The following RGS20 variants were observed in gnomAD, a reference collection of about 807,000 sequenced individuals.
RGS20 encodes the protein regulator of G protein signaling 20.
A neutral mutation model predicts 33.6 loss-of-function variants in RGS20; 30 were observed. The observed-to-expected ratio is 0.89, with a 90% confidence interval of 0.67 to 1.21. The LOEUF (loss-of-function observed/expected upper bound fraction) is 1.21, where lower values mean the gene tolerates loss of function less well. Among genes scored for constraint, RGS20 ranks in the 50% most tolerant of loss-of-function variants. The pLI is 0.00. For synonymous variants in RGS20, 208 were observed against 197.9 expected (o/e 1.05, Z -0.43); for missense variants, 472 against 502.4 (o/e 0.94, Z 0.58).
intron 1 of RGS20, among the ~76,000 whole-genome samples, chr8:53,878,128 C>T (rs1760953894): frequency 1.3e-5 from 2 of 152,278 alleles, no homozygotes; most frequent in African/African-American, 4.8e-5. Flanking sequence ...TTTTTTTTGG[C>T]AACCACCGCT....
chr8:53,858,800 T>A (rs149233331), intron 1 of RGS20, among the ~76,000 whole-genome samples: 1 of 150,996 alleles, frequency 6.6e-6, no homozygotes, highest in East Asian at 2.0e-4. Flanking sequence ...TTGCTGCAGT[T>A]AATGTGGCCC....
At position 53,879,415 on chromosome 8, in the gene RGS20, T is replaced by A; in HGVS notation, c.323T>A (p.Leu108His). 1 of 1,608,890 alleles carries A rather than the reference T, an allele frequency of 6.2e-7. No homozygotes were observed. The highest frequency in any genetic ancestry group is 8.5e-7 in the Non-Finnish European group (1 of 1,178,446). ...AGGCGCCTGGACTTCTCCCCCCTGCTTCCCGCCCTGCCGGCCGCCCGGCTC... is the reference window on the plus strand; with the variant it reads ...AGGCGCCTGGACTTCTCCCCCCTGCATCCCGCCCTGCCGGCCGCCCGGCTC... Residue 108 changes from leucine (L) to histidine (H), a missense_variant, in exon 2 of 6, where the codon CTT (leucine) becomes CAT (histidine). Physicochemically the swap from Leu to His is moderately conservative, Grantham distance 99. This residue lies in a region of RGS20 where 319 missense variants were observed against 283.4 expected (regional missense o/e 1.13). Transcript: ENST00000297313.
chr8:53,920,257 C>G (rs998789686), intron 2 of RGS20, among the ~76,000 whole-genome samples: 23 of 151,942 alleles, frequency 1.5e-4, no homozygotes, highest in African/African-American at 5.6e-4. Context: ...AAATTTATTT[C>G]TAATTATTTT....
intron 2 of RGS20, 27 bp downstream of exon 1, chr8:53,881,111 C>T (rs1554518800): frequency 2.0e-6 from 3 of 1,477,212 alleles, no homozygotes; most frequent in South Asian, 1.3e-5. Flanking sequence ...CTCGAACTCT[C>T]TTTCTTCGTC....
chr8:53,946,286 C>T (rs981883625), intron 3 of RGS20, among the ~76,000 whole-genome samples: 6 of 152,090 alleles, frequency 3.9e-5, no homozygotes, highest in Non-Finnish European at 8.8e-5. Flanking sequence ...TGGTCTTAAA[C>T]TCCTGGCCTC....
chr8:53,947,897 CTA>C (rs915864591), intron 4 of RGS20, among the ~76,000 whole-genome samples: 278 of 123,628 alleles, frequency 2.2e-3, no homozygotes, highest in African/African-American at 8.1e-3. Context: ...TATATATATG[CTA>C]TATATATGAT....
chr8:53,914,634 C>T (rs1460942483), intron 2 of RGS20: 4 of 152,150 alleles, frequency 2.6e-5, no homozygotes, highest in Non-Finnish European at 5.9e-5. Context: ...CCTCTCCCCT[C>T]AACTCTATCT....
chr8:53,901,786 C>T (rs918040377), intron 2 of RGS20, among the ~76,000 whole-genome samples: 13 of 152,112 alleles, frequency 8.5e-5, no homozygotes, highest in African/African-American at 3.1e-4. Context: ...GGGTTTGAGG[C>T]TGCAGTGGTA....
chr8:53,931,380 C>T (rs1018221083), intron 2 of RGS20, among the ~76,000 whole-genome samples: 2 of 151,800 alleles, frequency 1.3e-5, no homozygotes, highest in Non-Finnish European at 1.5e-5. Context: ...CATGGTGAAA[C>T]CCCATCTCTA....
intron 2 of RGS20, among the ~76,000 whole-genome samples, chr8:53,900,038 A>G (rs2129280212): frequency 6.6e-6 from 1 of 152,216 alleles, no homozygotes; most frequent in African/African-American, 2.4e-5. Flanking sequence ...CGTGTCCTTG[A>G]AGGCATTCTG....
At chr8:53,947,870 CTATA>C (rs1336931408) in intron 4 of RGS20, among the ~76,000 whole-genome samples, 1 of 133,420 alleles carries the variant, frequency 7.5e-6, no homozygotes, top group Non-Finnish European at 1.5e-5. Context: ...TTTATATATG[CTATA>C]TATAAGATGT....
chr8:53,956,729 T>C (rs1585969212), intron 5 of RGS20, among the ~76,000 whole-genome samples: 1 of 152,376 alleles, frequency 6.6e-6, no homozygotes, highest in East Asian at 1.9e-4. Context: ...CAAAAAGTTA[T>C]TTTCATTTTG....
At chr8:53,949,271 A>G (rs1196677004) in intron 4 of RGS20, among the ~76,000 whole-genome samples, 2 of 147,822 alleles carry the variant, frequency 1.4e-5, no homozygotes, top group African/African-American at 4.9e-5. Flanking sequence ...TACTATATAT[A>G]AGATACAGTA....
chr8:53,854,290 A>G (rs1811627974), intron 1 of RGS20, among the ~76,000 whole-genome samples: 1 of 152,220 alleles, frequency 6.6e-6, no homozygotes, highest in South Asian at 2.1e-4. Context: ...TGAGAGGGTA[A>G]AAGACAGCAT....
chr8:53,875,508 C>T (rs1812185195), intron 1 of RGS20, among the ~76,000 whole-genome samples: 1 of 151,438 alleles, frequency 6.6e-6, no homozygotes, highest in African/African-American at 2.4e-5. Flanking sequence ...CCTTACTTGG[C>T]TAGTAATACC....
intron 4 of RGS20, among the ~76,000 whole-genome samples, chr8:53,952,659 G>A (rs1814744374): frequency 6.6e-6 from 1 of 151,950 alleles, no homozygotes; most frequent in Non-Finnish European, 1.5e-5. Context: ...CCGGAAGGCG[G>A]AGGTTGCAGT....
chr8:53,918,105 T>C (rs958133828), intron 2 of RGS20, among the ~76,000 whole-genome samples: 1 of 152,208 alleles, frequency 6.6e-6, no homozygotes, highest in African/African-American at 2.4e-5. Flanking sequence ...TCATACACCG[T>C]AAGGCTCACC....
In RGS20 at chr8:53,954,032, A is replaced by T. The variant is rs1223797413; in HGVS notation, c.744-44A>T. The T allele has an allele frequency of 2.3e-6, 3 of 1,292,170 alleles. No individual in the cohort carries two copies. The South Asian group carries it at 3.6e-5, about 15-fold the overall frequency. The allele number at this position is 1,292,170 out of a possible 1,614,324, so 80.0% of individuals were successfully genotyped here. ...TAATGATGAATTCCAATTAACTACC[A>T]CTAACAGTTCCCTTTTGCCCCCTCT... On this transcript the variant is annotated intron_variant, in intron 4 of 5. Transcript: ENST00000297313.
intron 2 of RGS20, among the ~76,000 whole-genome samples, chr8:53,902,741 T>TA (rs1377757142): frequency 6.6e-6 from 1 of 152,144 alleles, no homozygotes; most frequent in African/African-American, 2.4e-5. Flanking sequence ...CTTTTTTTTT[T>TA]TGGAGACGGA....
Sources: allele counts gnomAD v4.1 joint callset (sites outside exome capture counted in the v4.1 genomes callset), GRCh38; gene constraint gnomAD v4.1.1; regional missense constraint gnomAD v4.1.1; transcripts MANE v1.5; gene names NCBI Gene and HGNC (gene_info 2026-07-23, HGNC 2026-07-21).